PLEKHA6: variants seen among roughly 807,000 people sequenced by gnomAD.
PLEKHA6 encodes the protein pleckstrin homology domain containing A6.
PLEKHA6 carries 60 observed loss-of-function variants against 116.7 expected under a neutral mutation model. The observed-to-expected ratio is 0.51, with a 90% CI of 0.42 to 0.64. PLEKHA6 has a LOEUF of 0.64. Among genes scored for constraint, PLEKHA6 ranks in the 30% least tolerant of loss-of-function variants. The pLI, the probability that PLEKHA6 is intolerant of heterozygous loss-of-function variation, is 0.00. For synonymous variants in PLEKHA6, 489 were observed against 556.1 expected (o/e 0.88, Z 1.70); for missense variants, 1,338 against 1,422.7 (o/e 0.94, Z 0.96).
At chr1:204,328,094 AT>A (rs1553278760) in intron 1 of PLEKHA6, among the ~76,000 whole-genome samples, 1 of 105,472 alleles carries the variant, frequency 9.5e-6, no homozygotes, top group South Asian at 3.2e-4. Context: ...TTATTTATTT[AT>A]TTTTGAGACA....
chr1:204,282,796 T>G (rs1668763106), intron 1 of PLEKHA6: 2 of 985,268 alleles, frequency 2.0e-6, no homozygotes, highest in African/African-American at 3.5e-5. Context: ...CTGTGTGCTC[T>G]TGTTCCCTTC....
At chr1:204,310,273 C>T (rs1382452910) in intron 1 of PLEKHA6, among the ~76,000 whole-genome samples, 2 of 152,186 alleles carry the variant, frequency 1.3e-5, no homozygotes, top group Non-Finnish European at 2.9e-5. Context: ...GACTACTATG[C>T]ATGCAAGTGA....
At chr1:204,358,724 C>G (rs1403396410) in intron 1 of PLEKHA6, among the ~76,000 whole-genome samples, 1 of 152,080 alleles carries the variant, frequency 6.6e-6, no homozygotes, top group Non-Finnish European at 1.5e-5. Context: ...TCCCCACCAC[C>G]TTCCACCCTC....
At chr1:204,375,143 T>C (rs780726882) in intron 1 of PLEKHA6, among the ~76,000 whole-genome samples, 3 of 152,242 alleles carry the variant, frequency 2.0e-5, no homozygotes, top group Non-Finnish European at 2.9e-5. Flanking sequence ...TTGACACTGG[T>C]GCTGCCTGGG....
At chr1:204,351,302 T>C (rs1673274218) in intron 1 of PLEKHA6, among the ~76,000 whole-genome samples, 2 of 152,152 alleles carry the variant, frequency 1.3e-5, no homozygotes, top group Non-Finnish European at 2.9e-5. Context: ...CTCCCCCAAC[T>C]TGGGCATGAA....
chr1:204,375,055 C>T (rs563209163), intron 1 of PLEKHA6, among the ~76,000 whole-genome samples: 2 of 149,034 alleles, frequency 1.3e-5, no homozygotes, highest in African/African-American at 4.8e-5. Flanking sequence ...TGGCATTCTA[C>T]CCTGGTCCTG....
Position 204,259,495 on chromosome 1 carries a change from G to C in PLEKHA6, c.770C>G (p.Pro257Arg). The C allele has an allele frequency of 6.2e-7, 1 of 1,614,116 alleles. No individual in the cohort carries two copies. The highest frequency in any genetic ancestry group is 1.1e-5 in the South Asian group (1 of 91,084). Residue 257 changes from proline to arginine, a missense_variant, in exon 8 of 23, where the codon CCA becomes CGA. Around this residue, in one of 3 missense-constraint regions of PLEKHA6, gnomAD observed 1,136 missense variants for 1,163.6 expected, o/e 0.98. Coordinates refer to ENST00000272203, the MANE Select transcript of PLEKHA6 (RefSeq NM_014935.5). The surrounding 1 kb of genome is among the most constrained non-coding windows in gnomAD (Gnocchi z 4.6). ...SEPGSPYPEG[P>R]RVPGGGEQPA... Reference sequence around the variant, plus strand: ...CTGTTCCCCACCCCCTGGCACTCTTGGGCCCTCGGGGTAAGGGCTGCCCGG... The same window carrying C: ...CTGTTCCCCACCCCCTGGCACTCTTCGGCCCTCGGGGTAAGGGCTGCCCGG...
intron 9 of PLEKHA6, among the ~76,000 whole-genome samples, chr1:204,254,444 A>AT (rs1665005249): frequency 1.3e-5 from 2 of 151,636 alleles, no homozygotes; most frequent in African/African-American, 4.9e-5. Flanking sequence ...TCTCATTTAA[A>AT]ATTTTTTTTT....
intron 1 of PLEKHA6, among the ~76,000 whole-genome samples, chr1:204,312,320 T>A (rs902216396): frequency 6.6e-6 from 1 of 152,242 alleles, no homozygotes; most frequent in South Asian, 2.1e-4. Context: ...ACAGCAATCC[T>A]ACTGTCCCTC....
At chr1:204,337,901 C>T (rs1392320114) in intron 1 of PLEKHA6, among the ~76,000 whole-genome samples, 1 of 152,246 alleles carries the variant, frequency 6.6e-6, no homozygotes, top group Non-Finnish European at 1.5e-5. Context: ...AAGTGCTTGT[C>T]AAAGCCTTGA....
intron 6 of PLEKHA6, among the ~76,000 whole-genome samples, chr1:204,263,753 T>G (rs1666438332): frequency 6.6e-6 from 1 of 151,972 alleles, no homozygotes; most frequent in Non-Finnish European, 1.5e-5. Context: ...TGGGTGTGTG[T>G]GTGTGTGTCT....
intron 1 of PLEKHA6, among the ~76,000 whole-genome samples, chr1:204,349,540 C>CAAAAAAAAA: frequency 8.7e-6 from 1 of 115,220 alleles, no homozygotes; most frequent in Non-Finnish European, 1.8e-5. Context: ...GACTCCATCT[C>CAAAAAAAAA]AAAAAAAAAA....
intron 1 of PLEKHA6, among the ~76,000 whole-genome samples, chr1:204,289,030 T>A (rs1669480348): frequency 6.6e-6 from 1 of 152,250 alleles, no homozygotes; most frequent in East Asian, 1.9e-4. Context: ...TCTAAAAGTA[T>A]CTACAAGCAG....
chr1:204,273,534 A>T, intron 3 of PLEKHA6, 92 bp downstream of exon 3: 1 of 878,204 alleles, frequency 1.1e-6, no homozygotes, highest in East Asian at 2.4e-5. Flanking sequence ...ATAGCTGGAC[A>T]GGCTACAATT....
At chr1:204,338,785 A>G (rs770663422) in intron 1 of PLEKHA6, among the ~76,000 whole-genome samples, 2 of 152,164 alleles carry the variant, frequency 1.3e-5, no homozygotes, top group Non-Finnish European at 2.9e-5. Context: ...CTTCTGTGGA[A>G]ATGAAGGGGA....
At chr1:204,241,933 A>G (rs1662881343) in intron 15 of PLEKHA6, 119 bp from the exon 16 acceptor site, 1 of 1,146,240 alleles carries the variant, frequency 8.7e-7, no homozygotes, top group Non-Finnish European at 1.3e-6. Context: ...TACAAGGAAC[A>G]AGGAAATTCT....
intron 15 of PLEKHA6, 72 bp downstream of exon 15, chr1:204,244,792 T>G: frequency 1.7e-6 from 2 of 1,200,910 alleles, no homozygotes; most frequent in Non-Finnish European, 1.1e-6. Flanking sequence ...GCACAGAAGT[T>G]GTATAGTTTC....
chr1:204,331,199 C>CAAAAA (rs5780231), intron 1 of PLEKHA6, among the ~76,000 whole-genome samples: 5 of 75,818 alleles, frequency 6.6e-5, no homozygotes, highest in African/African-American at 1.5e-4. Flanking sequence ...GACTCTGTCT[C>CAAAAA]AAAAAAAAAA....
chr1:204,334,517 A>T (rs996373322), intron 1 of PLEKHA6, among the ~76,000 whole-genome samples: 1 of 152,192 alleles, frequency 6.6e-6, no homozygotes, highest in Non-Finnish European at 1.5e-5. Flanking sequence ...TGATACATGT[A>T]TACATTGTGA....
Sources: allele counts gnomAD v4.1 joint callset (sites outside exome capture counted in the v4.1 genomes callset), GRCh38; gene constraint gnomAD v4.1.1; regional missense constraint gnomAD v4.1.1; non-coding constraint Gnocchi (gnomAD v3.1); transcripts MANE v1.5; gene names NCBI Gene and HGNC (gene_info 2026-07-23, HGNC 2026-07-21).